The following TTBK2 variants were observed in gnomAD, a reference collection of about 807,000 sequenced individuals.
TTBK2 encodes tau-tubulin kinase 2.
A neutral mutation model predicts 110.8 loss-of-function variants in TTBK2; 28 were observed. That is an observed-to-expected ratio of 0.25 (90% CI 0.19 to 0.35). TTBK2 has a LOEUF of 0.35. Among genes scored for constraint, TTBK2 ranks in the 10% least tolerant of loss-of-function variants. TTBK2 has a pLI of 1.00. For synonymous variants in TTBK2, 532 were observed against 527.3 expected, an observed-to-expected ratio of 1.01 and a Z score of -0.12; for missense variants, 1,369 against 1,500.3, an observed-to-expected ratio of 0.91 and a Z score of 1.45.
chr15:42,810,766 C>T, intron 8 of TTBK2, 27 bp from the exon 9 acceptor site: 1 of 1,612,642 alleles, frequency 6.2e-7, no homozygotes, highest in Non-Finnish European at 8.5e-7. Context: ...AAAAGAGCTA[C>T]AGTCAATTTC....
chr15:42,889,622 A>G (rs997740891), intron 1 of TTBK2, among the ~76,000 whole-genome samples: 5 of 152,136 alleles, frequency 3.3e-5, no homozygotes, highest in Admixed American at 6.5e-5. Context: ...GGGTCCTCCC[A>G]ATTCTTAGTC....
chr15:42,780,766 G>C (rs140121498), intron 11 of TTBK2, among the ~76,000 whole-genome samples: 4 of 152,114 alleles, frequency 2.6e-5, no homozygotes, highest in Non-Finnish European at 5.9e-5. Flanking sequence ...AGGAGTTCGA[G>C]ACCATCCTGG....
chr15:42,871,539 T>G (rs1186037022), intron 3 of TTBK2: 1 of 985,234 alleles, frequency 1.0e-6, no homozygotes, highest in Non-Finnish European at 1.2e-6. Context: ...GCTTGGCTGA[T>G]AGTAAAACAG....
intron 4 of TTBK2, among the ~76,000 whole-genome samples, chr15:42,832,933 G>C (rs1179569394): frequency 6.6e-6 from 1 of 152,046 alleles, no homozygotes; most frequent in Non-Finnish European, 1.5e-5. Flanking sequence ...TAAGTGAATA[G>C]TTACATAAAT....
chr15:42,879,996 CAA>C lies in TTBK2; in HGVS notation c.-67-1314_-67-1313del, dbSNP rs71108186. Among the ~76,000 whole-genome samples, 47 of 74,390 alleles carry C rather than the reference CAA, an allele frequency of 6.3e-4. 1 individual carries two copies. The highest frequency in any genetic ancestry group is 3.8e-3 in the South Asian group (10 of 2,624). 48.8% of individuals were successfully genotyped at this position (74,390 alleles called of 152,430 possible). ...TGGGTGACAGAAGAAGATCCTGTCTCAAAAAAAAAAAAAAAAAGAAAAGAAAA... is the reference window on the plus strand; with the variant it reads ...TGGGTGACAGAAGAAGATCCTGTCTCAAAAAAAAAAAAAAAGAAAAGAAAA... On this transcript the variant is annotated intron_variant, in intron 1 of 14. Coordinates refer to ENST00000267890, the MANE Select transcript of TTBK2 (RefSeq NM_173500.4).
In TTBK2 at chr15:42,811,910, T is replaced by C. The variant is rs1268747424; in HGVS notation, c.604-130A>G. 24 of 640,958 alleles carry C rather than the reference T, an allele frequency of 3.7e-5. No homozygotes were observed. In the South Asian group the frequency reaches 4.0e-4, roughly 11 times the overall value. 39.7% of individuals were successfully genotyped at this position (640,958 alleles called of 1,614,324 possible). On this transcript the variant is annotated intron_variant, in intron 7 of 14. Coordinates refer to ENST00000267890, the MANE Select transcript of TTBK2 (RefSeq NM_173500.4). The stretch of plus-strand genomic sequence containing the variant: ...TAAATTTATTTCCCAAAAAATTATA[T>C]GATAAACATATATATATATATAAAT...
intron 6 of TTBK2, among the ~76,000 whole-genome samples, chr15:42,821,134 G>A (rs1259765264): frequency 1.3e-5 from 2 of 152,118 alleles, no homozygotes; most frequent in South Asian, 2.1e-4. Context: ...GGTATAGAAT[G>A]TATATCATGC....
chr15:42,866,467 C>T (rs950498384), intron 3 of TTBK2, among the ~76,000 whole-genome samples: 5 of 152,042 alleles, frequency 3.3e-5, no homozygotes, highest in African/African-American at 1.2e-4. Context: ...ACTATTATAG[C>T]TGGAGACTTC....
At chr15:42,850,404 A>G (rs955833718) in intron 3 of TTBK2, among the ~76,000 whole-genome samples, 2 of 152,130 alleles carry the variant, frequency 1.3e-5, no homozygotes, top group African/African-American at 4.8e-5. Flanking sequence ...TGCTGGTTCA[A>G]TGGTACTTTG....
At chr15:42,832,030 C>T (rs1363304616) in intron 4 of TTBK2, among the ~76,000 whole-genome samples, 3 of 152,134 alleles carry the variant, frequency 2.0e-5, no homozygotes, top group Non-Finnish European at 4.4e-5. Context: ...TCCTTTCATA[C>T]TTCGTACCTT....
Position 42,802,211 on chromosome 15 carries a change from C to T in TTBK2, c.823-7410G>A, listed in dbSNP as rs567709937. ...AGAGGGCTCAGCAGGCTTTGGTTGACAGTGATGGTGGTGATGCCTCCACTG... is the reference window on the plus strand; with the variant it reads ...AGAGGGCTCAGCAGGCTTTGGTTGATAGTGATGGTGGTGATGCCTCCACTG... On this transcript the variant is annotated intron_variant, in intron 9 of 14. Coordinates refer to ENST00000267890, the MANE Select transcript of TTBK2 (RefSeq NM_173500.4). The T allele has an allele frequency of 2.9e-4, 281 of 985,698 alleles. 2 individuals carry two copies. The highest frequency in any genetic ancestry group is 9.8e-4 in the Admixed American group (58 of 59,196). 61.1% of individuals were successfully genotyped at this position (985,698 alleles called of 1,614,324 possible). A position where few individuals can be genotyped will look rare whatever the true frequency, so the allele number is the denominator to read the frequency against.
rs1371522505 is a variant in TTBK2 at position 42,752,383 on chromosome 15, T to C, written c.2863A>G (p.Thr955Ala). The C allele has an allele frequency of 8.1e-6, 13 of 1,614,138 alleles. No individual in the cohort carries two copies. Among genetic ancestry groups the C allele is most frequent in the Non-Finnish European group, 1.1e-5 (13 of 1,180,058 alleles). The change falls in exon 14 of 15, where the codon ACT (threonine) becomes GCT (alanine). Residue 955 changes from threonine to alanine, a missense_variant. Physicochemically the swap from Thr to Ala is moderately conservative, Grantham distance 58. Around this residue, in one of 4 missense-constraint regions of TTBK2, gnomAD observed 1,097 missense variants for 1,114.7 expected, o/e 0.98. Coordinates refer to ENST00000267890, the MANE Select transcript of TTBK2 (RefSeq NM_173500.4). ...IPVLAQEIDS[T>A]LESSSPVSAK... Reference sequence around the variant, plus strand: ...GAAACTGGAGAGGATGATTCCAAAGTTGAGTCTATCTCTTGTGCTAAAACA... The same window carrying C: ...GAAACTGGAGAGGATGATTCCAAAGCTGAGTCTATCTCTTGTGCTAAAACA...
intron 4 of TTBK2, among the ~76,000 whole-genome samples, chr15:42,837,657 CAAAAAA>C (rs35898464): frequency 1.0e-4 from 4 of 40,018 alleles, no homozygotes; most frequent in Admixed American, 2.8e-4. Flanking sequence ...GACTCTGTCT[CAAAAAA>C]AAAAAAAAAA....
At chr15:42,813,751 CAGG>C (rs72463993) in intron 7 of TTBK2, among the ~76,000 whole-genome samples, 6,694 of 149,426 alleles carry the variant, frequency 0.045, 417 homozygotes, top group African/African-American at 0.13. Context: ...GAGGCTGAGG[CAGG>C]AGAATTGCTA....
At position 42,752,448 on chromosome 15, in the gene TTBK2, A is replaced by G. The variant is rs368262141; in HGVS notation, c.2798T>C (p.Met933Thr). ...TCTAGTTACAAAGGATGACCTAACCATATCCTTCCGGGTTGGGGCACCATG... is the reference window on the plus strand; with the variant it reads ...TCTAGTTACAAAGGATGACCTAACCGTATCCTTCCGGGTTGGGGCACCATG... ...NEHGAPTRKD[M>T]VRSSFVTRHS... The change falls in exon 14 of 15, where the codon ATG (methionine) becomes ACG (threonine). Residue 933 changes from methionine (M) to threonine (T), a missense_variant. Around this residue, in one of 4 missense-constraint regions of TTBK2, gnomAD observed 1,097 missense variants for 1,114.7 expected, o/e 0.98. Coordinates refer to ENST00000267890, the MANE Select transcript of TTBK2 (RefSeq NM_173500.4). 5.6e-6 allele frequency: 9 copies of G among 1,614,076 alleles called. No individual in the cohort carries two copies. In the African/African-American group the frequency reaches 1.1e-4, roughly 19 times the overall value.
chr15:42,800,814 G>C (rs917881035), intron 9 of TTBK2, among the ~76,000 whole-genome samples: 3 of 152,134 alleles, frequency 2.0e-5, no homozygotes, highest in African/African-American at 7.2e-5. Flanking sequence ...ATGGGCAAGG[G>C]GGGGTCCCCA....
chr15:42,920,116 G>C (rs530555460), intron 1 of TTBK2, among the ~76,000 whole-genome samples: 1 of 152,164 alleles, frequency 6.6e-6, no homozygotes, highest in Non-Finnish European at 1.5e-5. Context: ...TACCAGAAGT[G>C]GCATGGGTAC....
intron 9 of TTBK2, among the ~76,000 whole-genome samples, chr15:42,795,150 A>G (rs1320626640): frequency 6.6e-6 from 1 of 152,224 alleles, no homozygotes; most frequent in African/African-American, 2.4e-5. Flanking sequence ...TTGTCAAAAC[A>G]AAACAAAACA....
At chr15:42,861,724 AAAAT>A (rs1243536624) in intron 3 of TTBK2, among the ~76,000 whole-genome samples, 4 of 152,158 alleles carry the variant, frequency 2.6e-5, no homozygotes, top group Admixed American at 6.5e-5. Flanking sequence ...CTAGCAAAAG[AAAAT>A]AAATAAATAA....
Sources: gnomAD v4.1 joint callset for allele counts (sites outside exome capture counted in the v4.1 genomes callset) on GRCh38, gnomAD v4.1.1 for gene constraint, gnomAD v4.1.1 regional missense constraint, MANE v1.5 for transcripts, NCBI Gene and HGNC (gene_info 2026-07-23, HGNC 2026-07-21) for gene names.